The following NKAIN2 variants were observed in gnomAD, a reference collection of about 807,000 sequenced individuals.
NKAIN2 encodes the protein sodium/potassium transporting ATPase interacting 2, also known as sodium/potassium-transporting ATPase subunit beta-1-interacting protein 2.
A neutral mutation model predicts 32.6 loss-of-function variants in NKAIN2; 14 were observed. The observed-to-expected ratio is 0.43, with a 90% CI of 0.28 to 0.67. The LOEUF (loss-of-function observed/expected upper bound fraction) is 0.67. Among genes scored for constraint, NKAIN2 ranks in the 30% least tolerant of loss-of-function variants. The probability of loss-of-function intolerance (pLI) is 0.17; values close to 1 mark genes in which losing one functional copy is unlikely to be tolerated. For synonymous variants in NKAIN2, 80 were observed against 87.2 expected (o/e 0.92, Z 0.46); for missense variants, 198 against 258.3 (o/e 0.77, Z 1.60).
chr6:124,141,144 A>G (rs1787116293), intron 1 of NKAIN2, among the ~76,000 whole-genome samples: 1 of 152,192 alleles, frequency 6.6e-6, no homozygotes, highest in Admixed American at 6.5e-5. Context: ...TTTGTCGTTC[A>G]AAGATAGTGG....
intron 1 of NKAIN2, among the ~76,000 whole-genome samples, chr6:124,236,907 T>C (rs1351771570): frequency 6.6e-6 from 1 of 152,122 alleles, no homozygotes; most frequent in East Asian, 1.9e-4. Context: ...TCCTCTGATG[T>C]GGAGAAAGAC....
intron 1 of NKAIN2, among the ~76,000 whole-genome samples, chr6:124,069,250 C>G (rs1412121277): frequency 1.3e-5 from 2 of 152,048 alleles, no homozygotes; most frequent in African/African-American, 4.8e-5. Context: ...AGAAATTGTT[C>G]ACAGTCAACT....
intron 1 of NKAIN2, among the ~76,000 whole-genome samples, chr6:123,900,543 T>TTTTTTTTTTTG (rs1774524990): frequency 3.1e-5 from 3 of 96,116 alleles, no homozygotes; most frequent in Non-Finnish European, 5.5e-5. Flanking sequence ...TTTTTTTTTT[T>TTTTTTTTTTTG]TTTTTTTTTT....
At chr6:124,254,058 G>T (rs1166306915) in intron 1 of NKAIN2, among the ~76,000 whole-genome samples, 1 of 151,730 alleles carries the variant, frequency 6.6e-6, no homozygotes, top group Admixed American at 6.6e-5. Context: ...CTCGTGATCC[G>T]CCCGCCTCGG....
chr6:124,493,847 C>G (rs1053818575), intron 3 of NKAIN2, among the ~76,000 whole-genome samples: 1 of 151,618 alleles, frequency 6.6e-6, no homozygotes, highest in Non-Finnish European at 1.5e-5. Context: ...CTGGTTGACA[C>G]GACCCCTTAC....
At position 124,311,090 on chromosome 6, in the gene NKAIN2, T is replaced by C. The variant is rs114272824; in HGVS notation, c.192+27948T>C. ...AAGTTTGAACACCTGATTTCCCTTT[T>C]CATCAACTTATTAGGAGAGATTTTA... On this transcript the variant is annotated intron_variant, in intron 2 of 6. Transcript: ENST00000368417. Among the ~76,000 whole-genome samples the C allele has an allele frequency of 5.2e-3, 786 of 152,240 alleles. 8 individuals are homozygous for C. The highest frequency in any genetic ancestry group is 0.019 in the African/African-American group (770 of 41,564).
At chr6:124,315,758 G>A (rs1032455935) in intron 2 of NKAIN2, among the ~76,000 whole-genome samples, 1 of 152,086 alleles carries the variant, frequency 6.6e-6, no homozygotes, top group Admixed American at 6.6e-5. Context: ...TTAGAGTAAT[G>A]TCTAATCCTT....
intron 1 of NKAIN2, among the ~76,000 whole-genome samples, chr6:124,244,475 A>T (rs1582915133): frequency 6.6e-6 from 1 of 152,034 alleles, no homozygotes; most frequent in Admixed American, 6.6e-5. Context: ...AAGATATCTT[A>T]TCTGCAGGTA....
chr6:124,725,997 G>T (rs977089332), intron 4 of NKAIN2, among the ~76,000 whole-genome samples: 7 of 152,196 alleles, frequency 4.6e-5, no homozygotes, highest in Admixed American at 4.6e-4. Context: ...GCGCTTTTCC[G>T]ACGGGCTTAA....
At chr6:123,939,326 T>C (rs1562268047) in intron 1 of NKAIN2, among the ~76,000 whole-genome samples, 1 of 151,942 alleles carries the variant, frequency 6.6e-6, no homozygotes, top group East Asian at 1.9e-4. Context: ...GGTAAACTAA[T>C]GCCTTACCCC....
intron 1 of NKAIN2, among the ~76,000 whole-genome samples, chr6:124,201,195 C>G (rs1790571987): frequency 6.6e-6 from 1 of 152,034 alleles, no homozygotes; most frequent in African/African-American, 2.4e-5. Context: ...CTGATTTTCT[C>G]TAAGACTTAC....
chr6:123,926,497 A>G (rs1040022631), intron 1 of NKAIN2, among the ~76,000 whole-genome samples: 12 of 148,054 alleles, frequency 8.1e-5, no homozygotes, highest in Admixed American at 6.0e-4. Flanking sequence ...CCAGATTCCT[A>G]CTGCAGTGTT....
intron 1 of NKAIN2, among the ~76,000 whole-genome samples, chr6:124,219,631 T>C (rs1791700890): frequency 6.6e-6 from 1 of 152,116 alleles, no homozygotes; most frequent in African/African-American, 2.4e-5. Context: ...GTAGAAGATA[T>C]AAGCAACAGG....
chr6:123,912,645 T>G (rs937783521), intron 1 of NKAIN2, among the ~76,000 whole-genome samples: 3 of 152,196 alleles, frequency 2.0e-5, no homozygotes, highest in African/African-American at 7.2e-5. Flanking sequence ...TCTCTCTTGC[T>G]TCCTCTCTTG....
At chr6:124,555,162 C>T (rs1780426896) in intron 3 of NKAIN2, among the ~76,000 whole-genome samples, 1 of 152,180 alleles carries the variant, frequency 6.6e-6, no homozygotes, top group Admixed American at 6.5e-5. Flanking sequence ...ATGGGAATCT[C>T]TAGATTACTT....
chr6:124,283,185 G>A (rs1795384807), intron 2 of NKAIN2, 43 bp downstream of exon 2: 1 of 1,431,506 alleles, frequency 7.0e-7, no homozygotes, highest in Non-Finnish European at 9.8e-7. Context: ...TTGAACTAGA[G>A]AATGATGTGC....
chr6:124,630,380 C>G (rs1457828542), intron 3 of NKAIN2, among the ~76,000 whole-genome samples: 1 of 152,092 alleles, frequency 6.6e-6, no homozygotes, highest in Non-Finnish European at 1.5e-5. Context: ...CCAAATTCAT[C>G]GTATTAAAGG....
At chr6:124,162,061 T>G (rs1404263861) in intron 1 of NKAIN2, among the ~76,000 whole-genome samples, 1 of 152,158 alleles carries the variant, frequency 6.6e-6, no homozygotes, top group Non-Finnish European at 1.5e-5. Context: ...TATTTCTAAG[T>G]TTTCTTTTAT....
At chr6:124,304,368 A>G (rs570161320) in intron 2 of NKAIN2, among the ~76,000 whole-genome samples, 8 of 152,278 alleles carry the variant, frequency 5.3e-5, no homozygotes, top group Non-Finnish European at 1.2e-4. Flanking sequence ...ATCCTTTCCT[A>G]TATGCTTGAT....
Sources: allele counts gnomAD v4.1 joint callset (sites outside exome capture counted in the v4.1 genomes callset), GRCh38; gene constraint gnomAD v4.1.1; transcripts MANE v1.5; gene names NCBI Gene and HGNC (gene_info 2026-07-23, HGNC 2026-07-21).